The following COG7 variants were observed in gnomAD, a reference collection of about 807,000 sequenced individuals.
COG7 encodes the protein conserved oligomeric Golgi complex subunit 7.
In COG7, 49 loss-of-function variants were observed where a neutral mutation model predicts 91.5. That is an observed-to-expected ratio of 0.54 (90% CI 0.43 to 0.68). COG7 has a LOEUF of 0.68. Ranked by LOEUF, COG7 falls within the 30% of genes least tolerant of loss-of-function variation. COG7 has a pLI of 0.00. For synonymous variants in COG7, 365 were observed against 388.7 expected (o/e 0.94, Z 0.72); for missense variants, 895 against 961.3 (o/e 0.93, Z 0.91).
intron 4 of COG7, among the ~76,000 whole-genome samples, chr16:23,437,199 G>A (rs1022554269): frequency 6.6e-6 from 1 of 152,126 alleles, no homozygotes; most frequent in Non-Finnish European, 1.5e-5. Context: ...GTCAAAAACT[G>A]CTTATCTCCA....
intron 9 of COG7, chr16:23,415,566 T>C (rs1555494083): frequency 1.3e-5 from 2 of 152,146 alleles, no homozygotes; most frequent in Non-Finnish European, 2.9e-5. Context: ...TTTAATGATA[T>C]GCTTTTGGTT....
intron 4 of COG7, among the ~76,000 whole-genome samples, 190 bp downstream of exon 4, chr16:23,442,287 T>C (rs1470059579): frequency 1.3e-5 from 2 of 149,382 alleles, no homozygotes; most frequent in African/African-American, 2.5e-5. Flanking sequence ...TAAGCCAAGA[T>C]TGCGCCACTA....
chr16:23,432,252 C>G (rs748827078), intron 6 of COG7, among the ~76,000 whole-genome samples: 2 of 152,108 alleles, frequency 1.3e-5, no homozygotes, highest in South Asian at 2.1e-4. Flanking sequence ...AATGACATGA[C>G]CCGGTATAAG....
intron 10 of COG7, among the ~76,000 whole-genome samples, chr16:23,411,882 CT>C (rs1230807496): frequency 3.9e-3 from 531 of 137,594 alleles, no homozygotes; most frequent in Middle Eastern, 3.6e-3. Context: ...TTCCAGATTG[CT>C]TTTTTTTTTT....
chr16:23,428,316 T>G (rs138179115), intron 6 of COG7, among the ~76,000 whole-genome samples: 1 of 152,124 alleles, frequency 6.6e-6, no homozygotes, highest in East Asian at 1.9e-4. Flanking sequence ...GCCACTGCAC[T>G]TCAGCCTGGG....
chr16:23,432,256 G>A (rs148901525), intron 6 of COG7, among the ~76,000 whole-genome samples: 49 of 152,252 alleles, frequency 3.2e-4, no homozygotes, highest in African/African-American at 9.6e-4. Flanking sequence ...ACATGACCCG[G>A]TATAAGGAAT....
Position 23,388,624 on chromosome 16 carries a change from CT to C in COG7, c.*295del, listed in dbSNP as rs567617218. ...TTTTGATTATACAAATGAACCAAGT[CT>C]TTTTTTTTTTTTTTTTTGAGACAGA... On this transcript the variant is annotated 3_prime_UTR_variant, in exon 17 of 17. Transcript: ENST00000307149. The C allele has an allele frequency of 0.2, 31,728 of 155,220 alleles. 2,694 individuals carry two copies. The highest frequency in any genetic ancestry group is 0.39 in the African/African-American group (12,236 of 31,626). 9.6% of individuals were successfully genotyped at this position (155,220 alleles called of 1,614,324 possible).
rs1199272538 is a variant in COG7, at chr16:23,388,626, T to G, written c.*294A>C. The G allele has an allele frequency of 1.1e-5, 1 of 90,838 alleles. No homozygotes were observed. The highest frequency in any genetic ancestry group is 1.9e-5 in the Non-Finnish European group (1 of 52,790). 5.6% of individuals were successfully genotyped at this position (90,838 alleles called of 1,614,324 possible). A position where few individuals can be genotyped will look rare whatever the true frequency, so the allele number is the denominator to read the frequency against. On this transcript the variant is annotated 3_prime_UTR_variant, in exon 17 of 17. Coordinates refer to ENST00000307149, the MANE Select transcript of COG7 (RefSeq NM_153603.4). ...TTGATTATACAAATGAACCAAGTCT[T>G]TTTTTTTTTTTTTTTTGAGACAGAG...
At position 23,445,055 on chromosome 16, in the gene COG7, T is replaced by C; in HGVS notation, c.428A>G (p.Lys143Arg). ...TLSADIEETF[K>R]TQDIAVISAK... The stretch of plus-strand genomic sequence containing the variant: ...CCTAAACAAGAAACCTACCTGAGTC[T>C]TAAATGTCTCCTCAATATCGGCGCT... Residue 143 changes from lysine (K) to arginine (R), a missense_variant, in exon 3 of 17, where the codon AAG becomes AGG. Lys to Arg is a conservative substitution (Grantham distance 26, BLOSUM62 2). Coordinates refer to ENST00000307149, the MANE Select transcript of COG7 (RefSeq NM_153603.4). The C allele has an allele frequency of 2.5e-6, 4 of 1,612,776 alleles. No individual in the cohort carries two copies. The highest frequency in any genetic ancestry group is 3.4e-6 in the Non-Finnish European group (4 of 1,178,758).
intron 6 of COG7, among the ~76,000 whole-genome samples, chr16:23,429,802 A>G (rs1229473737): frequency 1.3e-5 from 2 of 152,168 alleles, no homozygotes; most frequent in Non-Finnish European, 2.9e-5. Context: ...TATTCACACC[A>G]TGTAACAGTA....
intron 1 of COG7, 42 bp downstream of exon 1, chr16:23,452,784 G>A (rs773192045): frequency 1.3e-5 from 20 of 1,584,892 alleles, no homozygotes; most frequent in Non-Finnish European, 1.6e-5. Flanking sequence ...GCCCAGCCGA[G>A]AGCAGGGGAG....
intron 13 of COG7, 23 bp from the exon 14 acceptor site, chr16:23,398,152 C>T (rs1196910875): frequency 6.3e-7 from 1 of 1,594,482 alleles, no homozygotes; most frequent in Non-Finnish European, 8.6e-7. Flanking sequence ...CGAGAGGACA[C>T]AATCAGTACC....
At chr16:23,390,966 G>GT (rs1254596798) in intron 16 of COG7, among the ~76,000 whole-genome samples, 2 of 152,234 alleles carry the variant, frequency 1.3e-5, no homozygotes, top group Non-Finnish European at 2.9e-5. Context: ...GGCGAGCAGT[G>GT]TTTTTTGTTC....
chr16:23,413,627 C>T (rs1026705219), intron 9 of COG7, 63 bp from the exon 10 acceptor site: 1 of 911,690 alleles, frequency 1.1e-6, no homozygotes, highest in Admixed American at 1.7e-5. Flanking sequence ...CTAAAGAGAC[C>T]TGGAATTCTA....
intron 4 of COG7, among the ~76,000 whole-genome samples, chr16:23,440,924 C>A (rs1964090672): frequency 6.6e-6 from 1 of 151,992 alleles, no homozygotes; most frequent in South Asian, 2.1e-4. Flanking sequence ...AAAAACCACA[C>A]ATGGCAGGAG....
Position 23,424,876 on chromosome 16 carries a change from C to A in COG7, c.882G>T (p.Leu294=). The change falls in exon 7 of 17, where the codon CTG becomes CTT. Residue 294 remains leucine, a synonymous_variant. Coordinates refer to ENST00000307149, the MANE Select transcript of COG7 (RefSeq NM_153603.4). ...CCACGCCGTTGCTGAGGCAGGAGGGCAGCGAGGGCATGAGGGCCCCCAGGG... is the reference window on the plus strand; with the variant it reads ...CCACGCCGTTGCTGAGGCAGGAGGGAAGCGAGGGCATGAGGGCCCCCAGGG... ...IQTLGALMPS[L]PSCLSNGVER... 6.2e-7 allele frequency: 1 copy of A among 1,614,206 alleles called. No individual in the cohort carries two copies. The highest frequency in any genetic ancestry group is 8.5e-7 in the Non-Finnish European group (1 of 1,180,032).
At chr16:23,404,554 T>G (rs1963429057) in intron 12 of COG7, among the ~76,000 whole-genome samples, 1 of 152,198 alleles carries the variant, frequency 6.6e-6, no homozygotes, top group East Asian at 1.9e-4. Flanking sequence ...CCTGGGAGAA[T>G]AGCACTGAAG....
chr16:23,416,981 T>C lies in COG7; in HGVS notation c.1278A>G (p.Lys426=). ...LGTCGLLSAL[K]SLFAKYVSDF... is the part of the protein sequence containing the mutation. Reference sequence around the variant, plus strand: ...CCCAGCCTTACTTGGCAAAGAGGGATTTCAGGGCTGACAACAGGCCGCAGG... The same window carrying C: ...CCCAGCCTTACTTGGCAAAGAGGGACTTCAGGGCTGACAACAGGCCGCAGG... Residue 426 remains lysine (K), a synonymous_variant, in exon 9 of 17, where the codon AAA becomes AAG. Transcript: ENST00000307149. The C allele has an allele frequency of 6.2e-7, 1 of 1,614,124 alleles. No homozygotes were observed. Among genetic ancestry groups the C allele is most frequent in the South Asian group, 1.1e-5 (1 of 91,074 alleles).
intron 15 of COG7, 50 bp downstream of exon 15, chr16:23,393,183 G>A: frequency 7.3e-7 from 1 of 1,377,286 alleles, no homozygotes; most frequent in Non-Finnish European, 1.0e-6. Context: ...TTTCTACCCT[G>A]GAAACTGACA....
Sources: allele counts gnomAD v4.1 joint callset (sites outside exome capture counted in the v4.1 genomes callset), GRCh38; gene constraint gnomAD v4.1.1; transcripts MANE v1.5; gene names NCBI Gene and HGNC (gene_info 2026-07-23, HGNC 2026-07-21).